The following LYPD6 variants were observed in gnomAD, a reference collection of about 807,000 sequenced individuals.
The protein encoded by LYPD6 is ly6/PLAUR domain-containing protein 6.
Under a neutral mutation model 22.7 loss-of-function variants are expected in LYPD6, and 15 were observed. That is an observed-to-expected ratio of 0.66 (90% CI 0.44 to 1.02). LYPD6 has a LOEUF of 1.02. LYPD6 is among the 50% of genes least tolerant of loss of function. LYPD6 has a pLI of 0.00. For missense variants in LYPD6, 189 were observed against 208.4 expected, an observed-to-expected ratio of 0.91 and a Z score of 0.57; for synonymous variants, 72 against 77.5, an observed-to-expected ratio of 0.93 and a Z score of 0.37.
rs747421185 is a variant in LYPD6, at chr2:149,437,678, G to C, written c.-31G>C. On this transcript the variant is annotated 5_prime_UTR_variant, in exon 2 of 5. Transcript: ENST00000334166. ...TGTTGCCCTGAGTGCCCACTCCCAG[G>C]CCCTCTGTATGAGTGACACTTCAGT... 1 of 1,612,684 alleles carries C rather than the reference G, an allele frequency of 6.2e-7. No homozygotes were observed. Among genetic ancestry groups the C allele is most frequent in the South Asian group, 1.1e-5 (1 of 91,022 alleles).
intron 1 of LYPD6, among the ~76,000 whole-genome samples, chr2:149,420,305 C>A (rs768518716): frequency 1.3e-5 from 2 of 152,188 alleles, no homozygotes; most frequent in African/African-American, 2.4e-5. Context: ...AGTCAAAGTT[C>A]AAGTTTGCAG....
At position 149,409,288 on chromosome 2, in the gene LYPD6, C is replaced by T. The variant is rs1021057209; in HGVS notation, c.-71-28350C>T. The stretch of plus-strand genomic sequence containing the variant: ...CAGGTCTTGCAGCCGTGGATACCAG[C>T]ACCTGCTCTGGTGGAGGTAGCAGGG... On this transcript the variant is annotated intron_variant, in intron 1 of 4. Coordinates refer to ENST00000334166, the MANE Select transcript of LYPD6 (RefSeq NM_194317.5). Among the ~76,000 whole-genome samples the T allele has an allele frequency of 3.3e-5, 5 of 152,224 alleles. No individual in the cohort carries two copies. The East Asian group carries it at 9.6e-4, about 29-fold the overall frequency.
rs188363569 is a variant in LYPD6 at position 149,381,343 on chromosome 2, G to T, written c.-72+50621G>T. 8.2e-4 allele frequency among the ~76,000 whole-genome samples: 125 copies of T among 152,278 alleles called. 1 individual carries two copies. In the East Asian group the frequency reaches 0.018, roughly 22 times the overall value. On this transcript the variant is annotated intron_variant, in intron 1 of 4. Transcript: ENST00000334166. ...GCAAAAAGTTAAGATACGGAGGGGA[G>T]AATTGCTATTGGGTTGCTGAGTAGG... is the stretch of plus-strand genomic sequence containing the variant.
intron 1 of LYPD6, among the ~76,000 whole-genome samples, chr2:149,420,168 A>T (rs1683048519): frequency 6.6e-6 from 1 of 152,234 alleles, no homozygotes; most frequent in African/African-American, 2.4e-5. Flanking sequence ...AGTTACTCAC[A>T]GTCCAGATGT....
At chr2:149,451,838 A>T (rs1030706383) in intron 3 of LYPD6, among the ~76,000 whole-genome samples, 3 of 152,212 alleles carry the variant, frequency 2.0e-5, no homozygotes, top group Admixed American at 2.0e-4. Flanking sequence ...TTACAAAGTG[A>T]AAGATAGGAA....
intron 2 of LYPD6, among the ~76,000 whole-genome samples, chr2:149,446,544 T>G (rs1434956444): frequency 6.6e-6 from 1 of 152,212 alleles, no homozygotes; most frequent in Non-Finnish European, 1.5e-5. Context: ...ACAAAATACT[T>G]CTCTTTGTCA....
At chr2:149,336,928 C>CTT (rs59618488) in intron 1 of LYPD6, among the ~76,000 whole-genome samples, 13,240 of 148,512 alleles carry the variant, frequency 0.089, 789 homozygotes, top group East Asian at 0.16. Context: ...GTTGAAATAA[C>CTT]GTGTGTGTGT....
At chr2:149,378,388 G>A (rs1283451717) in intron 1 of LYPD6, among the ~76,000 whole-genome samples, 1 of 152,206 alleles carries the variant, frequency 6.6e-6, no homozygotes, top group East Asian at 1.9e-4. Context: ...AAAGTGCTAG[G>A]ATTACAGGCA....
At chr2:149,436,613 C>G (rs1683436478) in intron 1 of LYPD6, among the ~76,000 whole-genome samples, 1 of 152,082 alleles carries the variant, frequency 6.6e-6, no homozygotes, top group Non-Finnish European at 1.5e-5. Flanking sequence ...GAGTTTCACT[C>G]TTGTTGCCCA....
At chr2:149,349,953 A>AAT in intron 1 of LYPD6, among the ~76,000 whole-genome samples, 1 of 152,156 alleles carries the variant, frequency 6.6e-6, no homozygotes, top group Admixed American at 6.5e-5. Context: ...CTGAAAAAAA[A>AAT]ATATATATGC....
chr2:149,469,108 A>G (rs1384687207), intron 4 of LYPD6, among the ~76,000 whole-genome samples: 1 of 152,228 alleles, frequency 6.6e-6, no homozygotes, highest in East Asian at 1.9e-4. Flanking sequence ...GAAGCTTTGC[A>G]GATGTACCCA....
At chr2:149,400,104 T>G (rs1287757364) in intron 1 of LYPD6, among the ~76,000 whole-genome samples, 1 of 152,156 alleles carries the variant, frequency 6.6e-6, no homozygotes, top group Non-Finnish European at 1.5e-5. Context: ...GTCCTGGCAG[T>G]GGGAAGTCTC....
At chr2:149,431,251 C>T (rs1402318413) in intron 1 of LYPD6, among the ~76,000 whole-genome samples, 1 of 152,160 alleles carries the variant, frequency 6.6e-6, no homozygotes, top group Non-Finnish European at 1.5e-5. Context: ...ATTCAAATAG[C>T]AGCATCATAA....
At position 149,460,894 on chromosome 2, in the gene LYPD6, A is replaced by G. The variant is rs527976663; in HGVS notation, c.218-7751A>G. 4.6e-5 allele frequency among the ~76,000 whole-genome samples: 7 copies of G among 152,264 alleles called. No homozygotes were observed. The South Asian group carries it at 1.2e-3, about 27-fold the overall frequency. ...CACATCTAAATAATCCACAGATCAA[A>G]GATAAAGTCTTAAGGGAAATTTAAA... is the stretch of plus-strand genomic sequence containing the variant. On this transcript the variant is annotated intron_variant, in intron 3 of 4. Transcript: ENST00000334166.
chr2:149,341,719 C>G (rs1681165055), intron 1 of LYPD6, among the ~76,000 whole-genome samples: 2 of 152,164 alleles, frequency 1.3e-5, no homozygotes, highest in Non-Finnish European at 2.9e-5. Flanking sequence ...GGCACAGTCT[C>G]TCTGCTTCTA....
intron 1 of LYPD6, among the ~76,000 whole-genome samples, chr2:149,435,694 C>T (rs961502205): frequency 1.3e-5 from 2 of 152,188 alleles, no homozygotes; most frequent in African/African-American, 4.8e-5. Context: ...AACCAAGTGC[C>T]CAGCACAGTG....
intron 1 of LYPD6, among the ~76,000 whole-genome samples, chr2:149,361,570 A>T (rs1681572406): frequency 6.6e-6 from 1 of 152,204 alleles, no homozygotes; most frequent in Non-Finnish European, 1.5e-5. Flanking sequence ...TCTGTTACCC[A>T]CAGAGCACTT....
At chr2:149,425,346 C>T (rs939415059) in intron 1 of LYPD6, among the ~76,000 whole-genome samples, 1 of 152,070 alleles carries the variant, frequency 6.6e-6, no homozygotes, top group South Asian at 2.1e-4. Flanking sequence ...TAAGAGAGCT[C>T]AAGAATTTGA....
At chr2:149,412,626 G>A (rs1034944102) in intron 1 of LYPD6, among the ~76,000 whole-genome samples, 1 of 151,998 alleles carries the variant, frequency 6.6e-6, no homozygotes, top group Non-Finnish European at 1.5e-5. Flanking sequence ...AGCATCTAAG[G>A]GAGCTTTCTC....
Sources: gnomAD v4.1 joint callset for allele counts (sites outside exome capture counted in the v4.1 genomes callset) on GRCh38, gnomAD v4.1.1 for gene constraint, MANE v1.5 for transcripts, NCBI Gene and HGNC (gene_info 2026-07-23, HGNC 2026-07-21) for gene names.